Variants in GIPC2 observed in about 807,000 individuals in gnomAD.
GIPC2 encodes PDZ domain-containing protein GIPC2.
GIPC2 carries 30 observed loss-of-function variants against 30.6 expected under a neutral mutation model. That is an observed-to-expected ratio of 0.98 (90% CI 0.73 to 1.33). GIPC2 has a LOEUF of 1.33. GIPC2 is among the 40% of genes most tolerant of loss of function. The pLI is 0.00. For synonymous variants in GIPC2, 167 were observed against 150.0 expected (o/e 1.11, Z -0.83); for missense variants, 414 against 390.3 (o/e 1.06, Z -0.51).
At chr1:78,094,774 G>A (rs565898261) in intron 2 of GIPC2, 178 bp from the exon 3 acceptor site, 77 of 504,186 alleles carry the variant, frequency 1.5e-4, no homozygotes, top group African/African-American at 1.1e-3. Context: ...TGTCTCAAAA[G>A]CATAAAAAGT....
chr1:78,046,340 G>C lies in GIPC2; in HGVS notation c.240+6G>C. 1 of 1,606,718 alleles carries C rather than the reference G, an allele frequency of 6.2e-7. No individual in the cohort carries two copies. Among genetic ancestry groups the C allele is most frequent in the Non-Finnish European group, 8.5e-7 (1 of 1,177,244 alleles). On this transcript the variant is annotated splice_donor_region_variant and intron_variant, in intron 1 of 5. Transcript: ENST00000370759. The stretch of plus-strand genomic sequence containing the variant: ...TTGAAATCTCGCCGTCGGAGGTAAG[G>C]CGCCAGGTGCTCAGGCTCTCCCGCC...
At chr1:78,107,983 A>G (rs1358390176) in intron 3 of GIPC2, among the ~76,000 whole-genome samples, 1 of 152,114 alleles carries the variant, frequency 6.6e-6, no homozygotes, top group South Asian at 2.1e-4. Flanking sequence ...ATGTGGTAGA[A>G]TATGTTATCA....
chr1:78,097,908 T>C (rs1184352420), intron 3 of GIPC2, among the ~76,000 whole-genome samples: 1 of 152,146 alleles, frequency 6.6e-6, no homozygotes, highest in Non-Finnish European at 1.5e-5. Flanking sequence ...GTGGAGCAAG[T>C]AAGTAGGTCT....
At chr1:78,131,039 G>T (rs908926687) in intron 5 of GIPC2, among the ~76,000 whole-genome samples, 1 of 152,040 alleles carries the variant, frequency 6.6e-6, no homozygotes, top group Non-Finnish European at 1.5e-5. Flanking sequence ...GTCTCACTAT[G>T]TTGCCCAGGC....
chr1:78,137,336 G>A lies in GIPC2; in HGVS notation c.*1593G>A, dbSNP rs964350357. Reference sequence around the variant, plus strand: ...CCTCTCTTGGAAAGACACAAAAAAAGAGCTGTTATTTTTAGGCATAAGATG... The same window carrying A: ...CCTCTCTTGGAAAGACACAAAAAAAAAGCTGTTATTTTTAGGCATAAGATG... On this transcript the variant is annotated 3_prime_UTR_variant, in exon 6 of 6. Coordinates refer to ENST00000370759, the MANE Select transcript of GIPC2 (RefSeq NM_017655.6). 2.6e-5 allele frequency: 4 copies of A among 152,108 alleles called. No homozygotes were observed. The highest frequency in any genetic ancestry group is 9.7e-5 in the African/African-American group (4 of 41,432). 9.4% of individuals were successfully genotyped at this position (152,108 alleles called of 1,614,324 possible). A position where few individuals can be genotyped will look rare whatever the true frequency, so the allele number is the denominator to read the frequency against.
At chr1:78,094,149 G>C (rs936349125) in intron 2 of GIPC2, among the ~76,000 whole-genome samples, 1 of 152,116 alleles carries the variant, frequency 6.6e-6, no homozygotes, top group African/African-American at 2.4e-5. Context: ...TGGGTATCAG[G>C]CGTCTTAGCT....
upstream of GIPC2, chr1:78,045,570 T>G (rs567952014): frequency 2.1e-4 from 205 of 985,246 alleles, 3 homozygotes; most frequent in South Asian, 8.4e-3. Flanking sequence ...AAGCTCAAGG[T>G]TATGTGACTT....
intron 1 of GIPC2, among the ~76,000 whole-genome samples, chr1:78,077,087 A>C (rs1571490675): frequency 6.6e-6 from 1 of 152,226 alleles, no homozygotes; most frequent in Non-Finnish European, 1.5e-5. Context: ...GCCTAAAGAC[A>C]TGAGATTCTA....
intron 3 of GIPC2, among the ~76,000 whole-genome samples, chr1:78,113,914 A>C (rs1662520334): frequency 6.6e-6 from 1 of 151,026 alleles, no homozygotes. Context: ...CAAGGCAGTC[A>C]ACCATCAACC....
chr1:78,064,243 A>G (rs1661460194), intron 1 of GIPC2, among the ~76,000 whole-genome samples: 2 of 152,226 alleles, frequency 1.3e-5, no homozygotes, highest in Non-Finnish European at 2.9e-5. Flanking sequence ...CTAGGCTTAA[A>G]TAGTTGATAG....
intron 2 of GIPC2, among the ~76,000 whole-genome samples, chr1:78,081,282 G>A (rs537313092): frequency 2.0e-5 from 3 of 152,164 alleles, no homozygotes; most frequent in Middle Eastern, 3.4e-3. Context: ...ATATAAAGTT[G>A]GATCTCTGTA....
chr1:78,068,878 C>T (rs1441334425), intron 1 of GIPC2, among the ~76,000 whole-genome samples: 1 of 152,114 alleles, frequency 6.6e-6, no homozygotes, highest in Non-Finnish European at 1.5e-5. Flanking sequence ...GACTGGTACT[C>T]CTCATCCTGG....
rs1201731878 is a variant in GIPC2, at chr1:78,092,071, A to AC, written c.427-2875dup. 12 of 1,502,232 alleles carry AC rather than the reference A, an allele frequency of 8.0e-6. No individual in the cohort carries two copies. In the African/African-American group the frequency reaches 1.1e-4, roughly 14 times the overall value. 93.1% of individuals were successfully genotyped at this position (1,502,232 alleles called of 1,614,324 possible). ...GCTCCAAGTAGACCATGTCAGCTTCACCCCCCGGCTTTGTGTCTGTGGGTG... is the reference window on the plus strand; with the variant it reads ...GCTCCAAGTAGACCATGTCAGCTTCACCCCCCCGGCTTTGTGTCTGTGGGTG... On this transcript the variant is annotated intron_variant, in intron 2 of 5. Coordinates refer to ENST00000370759, the MANE Select transcript of GIPC2 (RefSeq NM_017655.6).
intron 3 of GIPC2, among the ~76,000 whole-genome samples, chr1:78,098,896 G>C (rs2100386159): frequency 6.6e-6 from 1 of 152,206 alleles, no homozygotes; most frequent in Non-Finnish European, 1.5e-5. Context: ...GAGAAACCTT[G>C]ATCCTGAACT....
In GIPC2 at chr1:78,086,342, A is replaced by G. The variant is rs531197216; in HGVS notation, c.426+5482A>G. Among the ~76,000 whole-genome samples the G allele has an allele frequency of 2.0e-5, 3 of 152,270 alleles. No homozygotes were observed. The South Asian group carries it at 6.2e-4, about 32-fold the overall frequency. Reference sequence around the variant, plus strand: ...TGAGGAGTGTTTTATGTCCAGTTATAATATGTGGTCAATTTTAGAGTATAT... The same window carrying G: ...TGAGGAGTGTTTTATGTCCAGTTATGATATGTGGTCAATTTTAGAGTATAT... On this transcript the variant is annotated intron_variant, in intron 2 of 5. Transcript: ENST00000370759.
chr1:78,074,045 G>A (rs1218572050), intron 1 of GIPC2, among the ~76,000 whole-genome samples: 1 of 152,166 alleles, frequency 6.6e-6, no homozygotes, highest in Non-Finnish European at 1.5e-5. Flanking sequence ...TTGAAGGATA[G>A]TTTTTTTATG....
intron 2 of GIPC2, among the ~76,000 whole-genome samples, chr1:78,084,656 C>T (rs2100354449): frequency 6.6e-6 from 1 of 152,214 alleles, no homozygotes; most frequent in Non-Finnish European, 1.5e-5. Flanking sequence ...TTTCACCTTC[C>T]TGGTTAGCTG....
At chr1:78,068,412 C>A (rs1399493652) in intron 1 of GIPC2, among the ~76,000 whole-genome samples, 1 of 152,238 alleles carries the variant, frequency 6.6e-6, no homozygotes, top group Non-Finnish European at 1.5e-5. Flanking sequence ...AAGAACTCTA[C>A]CACTGCCTTT....
Position 78,135,914 on chromosome 1 carries a change from T to C in GIPC2, c.*171T>C, listed in dbSNP as rs1416273588. The C allele has an allele frequency of 1.9e-6, 1 of 525,004 alleles. No homozygotes were observed. The highest frequency in any genetic ancestry group is 3.3e-6 in the Non-Finnish European group (1 of 307,480). The allele number at this position is 525,004 out of a possible 1,614,324, so 32.5% of individuals were successfully genotyped here. On this transcript the variant is annotated 3_prime_UTR_variant, in exon 6 of 6. Transcript: ENST00000370759. ...GGTAATTTTGATTTCTGGGCACTTTTTAACATTGCTGATGTAGTATGCTTA... is the reference window on the plus strand; with the variant it reads ...GGTAATTTTGATTTCTGGGCACTTTCTAACATTGCTGATGTAGTATGCTTA...
Sources: allele counts gnomAD v4.1 joint callset (sites outside exome capture counted in the v4.1 genomes callset), GRCh38; gene constraint gnomAD v4.1.1; transcripts MANE v1.5; gene names NCBI Gene and HGNC (gene_info 2026-07-23, HGNC 2026-07-21).